MRC1: variants seen among roughly 807,000 people sequenced by gnomAD.
MRC1 encodes mannose receptor C-type 1, also known as macrophage mannose receptor 1.
A neutral mutation model predicts 102.9 loss-of-function variants in MRC1; 62 were observed. The observed-to-expected ratio is 0.60, with a 90% CI of 0.49 to 0.74. MRC1 has a LOEUF of 0.74. Among genes scored for constraint, MRC1 ranks in the 30% least tolerant of loss-of-function variants. MRC1 has a pLI of 0.00. For missense variants in MRC1, 1,237 were observed against 862.8 expected (o/e 1.43, Z -5.43); for synonymous variants, 457 against 298.4 (o/e 1.53, Z -5.48).
At chr10:17,890,233 G>A (rs1190937450) in intron 22 of MRC1, among the ~76,000 whole-genome samples, 2 of 151,134 alleles carry the variant, frequency 1.3e-5, no homozygotes, top group African/African-American at 4.9e-5. Flanking sequence ...TTTTTCGTCT[G>A]GCTTCTTTCA....
At chr10:17,903,888 G>A (rs1554843793) in intron 26 of MRC1, among the ~76,000 whole-genome samples, 1 of 152,090 alleles carries the variant, frequency 6.6e-6, no homozygotes, top group East Asian at 1.9e-4. Flanking sequence ...CCCAGGAGGT[G>A]GAGGTTGCAG....
At chr10:17,819,262 A>G (rs1838359596) in intron 1 of MRC1, among the ~76,000 whole-genome samples, 1 of 152,136 alleles carries the variant, frequency 6.6e-6, no homozygotes, top group South Asian at 2.1e-4. Context: ...AGGTTTTGCA[A>G]TTTGGCATCA....
intron 24 of MRC1, 135 bp downstream of exon 24, chr10:17,898,401 C>G: frequency 1.4e-6 from 1 of 740,286 alleles, no homozygotes; most frequent in South Asian, 1.5e-5. Flanking sequence ...ATACTAACAT[C>G]AACAAGATCC....
chr10:17,902,843 C>T (rs1405149068), intron 26 of MRC1, among the ~76,000 whole-genome samples: 2 of 152,048 alleles, frequency 1.3e-5, no homozygotes, highest in African/African-American at 2.4e-5. Flanking sequence ...GAGGTTTATC[C>T]GAGGCACGAT....
chr10:17,876,332 C>G (rs1833436964), intron 17 of MRC1, among the ~76,000 whole-genome samples: 1 of 151,714 alleles, frequency 6.6e-6, no homozygotes, highest in African/African-American at 2.4e-5. Flanking sequence ...ACTGCAACCT[C>G]CACCTACTGG....
intron 24 of MRC1, among the ~76,000 whole-genome samples, chr10:17,899,494 C>T (rs2130715946): frequency 6.6e-6 from 1 of 152,188 alleles, no homozygotes; most frequent in East Asian, 1.9e-4. Context: ...AATGATTATA[C>T]AAGCATTATT....
chr10:17,897,065 T>G (rs1350555163), intron 23 of MRC1, among the ~76,000 whole-genome samples: 2 of 152,226 alleles, frequency 1.3e-5, no homozygotes, highest in African/African-American at 2.4e-5. Flanking sequence ...CCAGTAAGAC[T>G]TTATTTATGG....
At chr10:17,844,061 A>C (rs1201394760) in intron 5 of MRC1, among the ~76,000 whole-genome samples, 4 of 152,164 alleles carry the variant, frequency 2.6e-5, no homozygotes, top group Non-Finnish European at 4.4e-5. Context: ...CGTTGACTTT[A>C]TCTGGTTCTT....
chr10:17,841,351 AC>A (rs1256502952), intron 5 of MRC1, among the ~76,000 whole-genome samples: 1 of 152,152 alleles, frequency 6.6e-6, no homozygotes, highest in Non-Finnish European at 1.5e-5. Flanking sequence ...CTACATTAAC[AC>A]CCACTTTTCC....
chr10:17,856,834 G>A (rs1833100153), intron 9 of MRC1, among the ~76,000 whole-genome samples: 1 of 152,116 alleles, frequency 6.6e-6, no homozygotes, highest in Non-Finnish European at 1.5e-5. Context: ...ATCTCCTGGA[G>A]AGGATTCTTC....
At chr10:17,825,714 C>G (rs1245550271) in intron 2 of MRC1, among the ~76,000 whole-genome samples, 1 of 152,176 alleles carries the variant, frequency 6.6e-6, no homozygotes, top group East Asian at 1.9e-4. Context: ...GCCTGTGTGA[C>G]AGAGTGAGAT....
At chr10:17,884,434 G>T (rs1833561697) in intron 21 of MRC1, among the ~76,000 whole-genome samples, 1 of 152,194 alleles carries the variant, frequency 6.6e-6, no homozygotes, top group South Asian at 2.1e-4. Flanking sequence ...AGCTGTGTTA[G>T]TCTGTTCTCA....
At chr10:17,824,059 A>G (rs1450022800) in intron 2 of MRC1, among the ~76,000 whole-genome samples, 2 of 152,192 alleles carry the variant, frequency 1.3e-5, no homozygotes, top group African/African-American at 2.4e-5. Flanking sequence ...TATGCAGTCT[A>G]TTTAGTTAGC....
At chr10:17,819,093 T>C (rs1399612616) in intron 1 of MRC1, among the ~76,000 whole-genome samples, 1 of 152,152 alleles carries the variant, frequency 6.6e-6, no homozygotes, top group Non-Finnish European at 1.5e-5. Context: ...AGAAAACCTC[T>C]CCATAAAGGT....
At chr10:17,897,923 G>C in intron 23 of MRC1, 111 bp from the exon 24 acceptor site, 1 of 766,202 alleles carries the variant, frequency 1.3e-6, no homozygotes, top group Non-Finnish European at 2.4e-6. Flanking sequence ...TGAATGTTTG[G>C]AGTTATGCTA....
chr10:17,909,212 G>A (rs1554844076), intron 28 of MRC1, 94 bp from the exon 29 acceptor site: 5 of 737,994 alleles, frequency 6.8e-6, no homozygotes, highest in Non-Finnish European at 1.3e-5. Flanking sequence ...CACATCAAAT[G>A]TGGAGGATTC....
intron 5 of MRC1, among the ~76,000 whole-genome samples, chr10:17,842,560 C>G (rs1200582508): frequency 1.3e-5 from 2 of 152,038 alleles, no homozygotes; most frequent in African/African-American, 2.4e-5. Context: ...ATAAAATATC[C>G]TTTTTTGTGC....
intron 21 of MRC1, among the ~76,000 whole-genome samples, chr10:17,884,976 C>G (rs1467225772): frequency 1.3e-5 from 2 of 152,168 alleles, no homozygotes; most frequent in African/African-American, 4.8e-5. Flanking sequence ...CAGCCACGAC[C>G]CAGATAGGGG....
At chr10:17,888,838 T>C (rs1310423673) in intron 22 of MRC1, among the ~76,000 whole-genome samples, 1 of 152,208 alleles carries the variant, frequency 6.6e-6, no homozygotes, top group Non-Finnish European at 1.5e-5. Flanking sequence ...GCCTGCTGGA[T>C]CTGTCTATTT....
Sources: gnomAD v4.1 joint callset for allele counts (sites outside exome capture counted in the v4.1 genomes callset) on GRCh38, gnomAD v4.1.1 for gene constraint, MANE v1.5 for transcripts, NCBI Gene and HGNC (gene_info 2026-07-23, HGNC 2026-07-21) for gene names.